LOXHD1: variants seen among roughly 807,000 people sequenced by gnomAD.
LOXHD1 encodes the protein lipoxygenase homology domain-containing protein 1.
A neutral mutation model predicts 248.2 loss-of-function variants in LOXHD1; 205 were observed. The ratio of observed to expected loss-of-function variants is 0.83; its 90% CI spans 0.74 to 0.93. The LOEUF (loss-of-function observed/expected upper bound fraction) is 0.93. Among genes scored for constraint, LOXHD1 ranks in the 40% least tolerant of loss-of-function variants. LOXHD1 has a pLI of 0.00. For synonymous variants in LOXHD1, 1,113 were observed against 1,162.8 expected (o/e 0.96, Z 0.87); for missense variants, 2,930 against 2,971.6 (o/e 0.99, Z 0.33).
chr18:46,566,879 C>T (rs528642945), intron 16 of LOXHD1, among the ~76,000 whole-genome samples: 1 of 152,208 alleles, frequency 6.6e-6, no homozygotes, highest in East Asian at 1.9e-4. Context: ...TATATTTCTG[C>T]ATTTCTTCAA....
At chr18:46,603,768 C>T (rs1054209582) in intron 7 of LOXHD1, among the ~76,000 whole-genome samples, 1 of 152,184 alleles carries the variant, frequency 6.6e-6, no homozygotes, top group Non-Finnish European at 1.5e-5. Flanking sequence ...GAAGGCCTGG[C>T]ATATACTAAG....
intron 40 of LOXHD1, among the ~76,000 whole-genome samples, chr18:46,478,673 T>C (rs2032256858): frequency 6.6e-6 from 1 of 152,154 alleles, no homozygotes; most frequent in Admixed American, 6.6e-5. Flanking sequence ...TGTTTTCCTT[T>C]ATTCATTTTT....
rs1316501431 is a variant in LOXHD1, at chr18:46,524,909, G to A, written c.4539C>T (p.Thr1513=). Reference sequence around the variant, plus strand: ...CTAGGTCAGCGGCCTCGATGATGAAGGTGTCAGCCTGGGGAGCCCAGATGT... The same window carrying A: ...CTAGGTCAGCGGCCTCGATGATGAAAGTGTCAGCCTGGGGAGCCCAGATGT... ...TNKFERGTAD[T]FIIEAADLGV... Residue 1513 remains threonine (T), a synonymous_variant, in exon 30 of 41, where the codon ACC becomes ACT. Transcript: ENST00000642948. The A allele has an allele frequency of 3.2e-6, 5 of 1,551,720 alleles. No homozygotes were observed. Among genetic ancestry groups the A allele is most frequent in the Non-Finnish European group, 4.4e-6 (5 of 1,147,006 alleles).
intron 7 of LOXHD1, chr18:46,601,703 A>T (rs905369021): frequency 1.9e-6 from 1 of 535,624 alleles, no homozygotes; most frequent in Non-Finnish European, 3.3e-6. Flanking sequence ...CGCACGTATT[A>T]TTACAGGAAG....
chr18:46,572,183 T>C, intron 14 of LOXHD1, 21 bp from the exon 15 acceptor site: 5 of 1,549,482 alleles, frequency 3.2e-6, no homozygotes, highest in Non-Finnish European at 4.4e-6. Context: ...AATGGGGGAA[T>C]GTTAGCTCTT....
chr18:46,621,851 T>C (rs1387411193), intron 4 of LOXHD1, among the ~76,000 whole-genome samples: 6 of 152,112 alleles, frequency 3.9e-5, no homozygotes, highest in African/African-American at 1.2e-4. Context: ...TCTCTGAAAA[T>C]GACATGGTGG....
chr18:46,496,654 C>A (rs559867530), intron 37 of LOXHD1, among the ~76,000 whole-genome samples: 1 of 152,296 alleles, frequency 6.6e-6, no homozygotes, highest in African/African-American at 2.4e-5. Flanking sequence ...GACACAAAAC[C>A]TGGACTTCTG....
chr18:46,521,030 C>G (rs1043392072), intron 33 of LOXHD1, 67 bp downstream of exon 33: 1 of 1,508,006 alleles, frequency 6.6e-7, no homozygotes, highest in Non-Finnish European at 8.9e-7. Context: ...TCTGTCTCCC[C>G]TGCTGCTCCC....
intron 14 of LOXHD1, among the ~76,000 whole-genome samples, chr18:46,575,051 C>A (rs796674680): frequency 6.6e-6 from 1 of 152,356 alleles, no homozygotes; most frequent in African/African-American, 2.4e-5. Context: ...GCTCTATGCT[C>A]TTATTCTCTG....
chr18:46,571,188 C>T (rs1230038528), intron 15 of LOXHD1, among the ~76,000 whole-genome samples: 1 of 152,182 alleles, frequency 6.6e-6, no homozygotes, highest in Non-Finnish European at 1.5e-5. Flanking sequence ...TCTTTAGCTG[C>T]CGGGTGCCGT....
At chr18:46,565,340 A>G (rs17768724) in intron 17 of LOXHD1, among the ~76,000 whole-genome samples, 16,487 of 151,788 alleles carry the variant, frequency 0.11, 1,051 homozygotes, top group Non-Finnish European at 0.14. Flanking sequence ...CAGAAATGTC[A>G]CCATCCTATC....
intron 40 of LOXHD1, among the ~76,000 whole-genome samples, chr18:46,481,443 G>A (rs1174191044): frequency 1.3e-5 from 2 of 152,122 alleles, no homozygotes; most frequent in East Asian, 3.9e-4. Flanking sequence ...GGTGAGCTAG[G>A]GCATGACTTC....
chr18:46,633,007 C>A (rs536668097), intron 4 of LOXHD1, among the ~76,000 whole-genome samples: 3 of 152,124 alleles, frequency 2.0e-5, no homozygotes, highest in Non-Finnish European at 4.4e-5. Context: ...TGAAGTCTTG[C>A]GCAAGAACTG....
At chr18:46,556,315 C>T (rs149503915) in intron 21 of LOXHD1, among the ~76,000 whole-genome samples, 15 of 152,202 alleles carry the variant, frequency 9.9e-5, no homozygotes, top group East Asian at 1.9e-4. Context: ...TTGCTTTATA[C>T]GTTGAGAGGC....
intron 35 of LOXHD1, 154 bp downstream of exon 35, chr18:46,509,544 T>C (rs1248297225): frequency 5.7e-6 from 4 of 702,612 alleles, no homozygotes; most frequent in South Asian, 4.7e-5. Flanking sequence ...GATTAATTCA[T>C]GCCAAAGGGC....
At chr18:46,572,059 C>A (rs1458002961) in intron 15 of LOXHD1, 27 bp downstream of exon 15, 4 of 1,547,756 alleles carry the variant, frequency 2.6e-6, no homozygotes, top group Non-Finnish European at 2.6e-6. Flanking sequence ...AGGGCACACC[C>A]AGCACCTGGT....
intron 37 of LOXHD1, among the ~76,000 whole-genome samples, chr18:46,504,963 AG>A (rs1415882977): frequency 2.0e-5 from 3 of 152,272 alleles, no homozygotes; most frequent in African/African-American, 7.2e-5. Flanking sequence ...ATAGGCCCAA[AG>A]CCAGAGAAAA....
chr18:46,490,544 C>T (rs748360635), intron 37 of LOXHD1, among the ~76,000 whole-genome samples: 5 of 152,222 alleles, frequency 3.3e-5, no homozygotes, highest in Non-Finnish European at 5.9e-5. Flanking sequence ...GGCATGATCT[C>T]GGCTCACCGC....
chr18:46,542,011 G>T, intron 24 of LOXHD1, 71 bp from the exon 25 acceptor site: 1 of 1,392,162 alleles, frequency 7.2e-7, no homozygotes, highest in Non-Finnish European at 9.6e-7. Flanking sequence ...TAACTTCAGG[G>T]ACTCCTGACT....
Sources: allele counts gnomAD v4.1 joint callset (sites outside exome capture counted in the v4.1 genomes callset), GRCh38; gene constraint gnomAD v4.1.1; transcripts MANE v1.5; gene names NCBI Gene and HGNC (gene_info 2026-07-23, HGNC 2026-07-21).